Variants in OARD1 observed in about 807,000 individuals in gnomAD.
OARD1 encodes O-acyl-ADP-ribose deacylase 1, also known as ADP-ribose glycohydrolase OARD1.
OARD1 carries 19 observed loss-of-function variants against 19.7 expected under a neutral mutation model. The ratio of observed to expected loss-of-function variants is 0.96; its 90% confidence interval spans 0.67 to 1.41. The LOEUF is 1.41. Ranked by LOEUF, OARD1 falls within the 40% of genes most tolerant of loss-of-function variation. The pLI is 0.00. For synonymous variants in OARD1, 70 were observed against 61.8 expected (o/e 1.13, Z -0.62); for missense variants, 190 against 183.8 (o/e 1.03, Z -0.20).
chr6:41,075,167 G>A (rs1763699648), upstream of OARD1: 1 of 152,192 alleles, frequency 6.6e-6, no homozygotes, highest in Admixed American at 6.5e-5. Flanking sequence ...TAAAAAACAT[G>A]TATATTTGCC....
intron 1 of OARD1, among the ~76,000 whole-genome samples, chr6:41,088,980 T>C (rs1283301938): frequency 6.6e-6 from 1 of 151,548 alleles, no homozygotes; most frequent in Non-Finnish European, 1.5e-5. Context: ...CACTTTAGAG[T>C]GTATTTTATT....
upstream of OARD1, among the ~76,000 whole-genome samples, chr6:41,076,186 T>A (rs1763728662): frequency 6.6e-6 from 1 of 152,074 alleles, no homozygotes; most frequent in African/African-American, 2.4e-5. Flanking sequence ...AGTGGGAGAA[T>A]CCTTTGAGCT....
chr6:41,095,193 G>A (rs58730165), intron 1 of OARD1, among the ~76,000 whole-genome samples: 2 of 152,200 alleles, frequency 1.3e-5, no homozygotes, highest in Non-Finnish European at 2.9e-5. Context: ...TTTGCACTTA[G>A]ACTGACATCC....
At chr6:41,097,374 T>C (rs763983276) in intron 1 of OARD1, 262 of 1,613,920 alleles carry the variant, frequency 1.6e-4, no homozygotes, top group Non-Finnish European at 2.2e-4. Context: ...ACCAAGCCGA[T>C]GAAGAAGCAA....
chr6:41,089,128 C>T (rs1435632849), intron 1 of OARD1, among the ~76,000 whole-genome samples: 2 of 152,070 alleles, frequency 1.3e-5, no homozygotes, highest in African/African-American at 4.8e-5. Flanking sequence ...GGATTACAGG[C>T]ATGCACCACC....
At chr6:41,072,879 C>T (rs1300641503), upstream of OARD1, 2 of 153,252 alleles carry the variant, frequency 1.3e-5, no homozygotes, top group South Asian at 1.9e-4. Flanking sequence ...GTGGGGCGAT[C>T]CCTGAACTGG....
intron 1 of OARD1, chr6:41,071,952 T>C (rs906058081): frequency 3.9e-5 from 15 of 385,156 alleles, no homozygotes; most frequent in African/African-American, 2.8e-4. Context: ...CGCCTCCTCC[T>C]TTCTCCAGGG....
At chr6:41,088,326 G>A (rs1764101858) in intron 1 of OARD1, among the ~76,000 whole-genome samples, 1 of 150,074 alleles carries the variant, frequency 6.7e-6, no homozygotes, top group Non-Finnish European at 1.5e-5. Flanking sequence ...GGGAGGCTGA[G>A]GCAGGAGAAT....
Position 41,065,492 on chromosome 6 carries a change from C to T in OARD1, c.*1843G>A, listed in dbSNP as rs942506109. 1.5e-4 allele frequency: 23 copies of T among 152,236 alleles called. No individual in the cohort carries two copies. The highest frequency in any genetic ancestry group is 5.3e-4 in the African/African-American group (22 of 41,526). 9.4% of individuals were successfully genotyped at this position (152,236 alleles called of 1,614,324 possible). On this transcript the variant is annotated 3_prime_UTR_variant, in exon 6 of 6. Transcript: ENST00000424266. Reference sequence around the variant, plus strand: ...AAGTTTCTTTAAGTTTCTTATCCCCCACTCTCACTTTCAATTTTGTGTATT... The same window carrying T: ...AAGTTTCTTTAAGTTTCTTATCCCCTACTCTCACTTTCAATTTTGTGTATT...
At position 41,093,478 on chromosome 6, in the gene OARD1, T is replaced by A. The variant is rs115678926; in HGVS notation, c.-42+4235A>T. Among the ~76,000 whole-genome samples, 1,353 of 151,960 alleles carry A rather than the reference T, an allele frequency of 8.9e-3. 21 individuals carry two copies. Among genetic ancestry groups the A allele is most frequent in the African/African-American group, 0.031 (1,265 of 41,456 alleles). ...ACAAGAAAGGTACCCTTTCTTTTTT[T>A]TTTTTTTCCTGAGACTCAGTCTTGC... On this transcript the variant is annotated intron_variant, in intron 1 of 4. Coordinates refer to the OARD1 transcript ENST00000480585.
intron 1 of OARD1, among the ~76,000 whole-genome samples, chr6:41,087,159 T>C (rs1337157452): frequency 6.6e-6 from 1 of 152,194 alleles, no homozygotes; most frequent in African/African-American, 2.4e-5. Flanking sequence ...TAACAGCCAA[T>C]ATAAACTTAG....
intron 1 of OARD1, chr6:41,090,140 C>T (rs1764161535): frequency 9.1e-7 from 1 of 1,103,466 alleles, no homozygotes; most frequent in African/African-American, 1.6e-5. Context: ...TTTTTAAGGA[C>T]TACATCGTTC....
In OARD1 at chr6:41,071,200, C is replaced by A. The variant is rs777911574; in HGVS notation, c.116G>T (p.Arg39Leu). ...GAGGACAGCTATCCCAGCGCCCATG[C>A]GACAATCCTCACTGATACAGTGGGC... ...SLAHCISEDC[R>L]MGAGIAVLFK... The change falls in exon 3 of 6, where the codon CGC becomes CTC. Residue 39 changes from arginine to leucine, a missense_variant. By Grantham distance (102) the Arg-to-Leu change is moderately radical. Coordinates refer to ENST00000424266, the MANE Select transcript of OARD1 (RefSeq NM_001329686.2). The A allele has an allele frequency of 6.2e-7, 1 of 1,614,108 alleles. No individual in the cohort carries two copies. The highest frequency in any genetic ancestry group is 8.5e-7 in the Non-Finnish European group (1 of 1,179,936).
chr6:41,070,061 T>C lies in OARD1; in HGVS notation c.243+15A>G. 1 of 1,509,680 alleles carries C rather than the reference T, an allele frequency of 6.6e-7. No homozygotes were observed. The highest frequency in any genetic ancestry group is 9.2e-7 in the Non-Finnish European group (1 of 1,084,838). The allele number at this position is 1,509,680 out of a possible 1,614,324, so 93.5% of individuals were successfully genotyped here. ...GAACTGGCCCTGAAAAAAAAAGGAA[T>C]TGGCCCCATCTTACCAAGTAATATA... On this transcript the variant is annotated intron_variant, in intron 4 of 5. Transcript: ENST00000424266.
At position 41,067,121 on chromosome 6, in the gene OARD1, C is replaced by T. The variant is rs1581995242; in HGVS notation, c.*214G>A. 1.2e-5 allele frequency: 4 copies of T among 337,282 alleles called. No homozygotes were observed. In the South Asian group the frequency reaches 2.9e-4, roughly 25 times the overall value. 20.9% of individuals were successfully genotyped at this position (337,282 alleles called of 1,614,324 possible). A position where few individuals can be genotyped will look rare whatever the true frequency, so the allele number is the denominator to read the frequency against. ...TATTATCAAGCCACCTAACTCCTTA[C>T]TTTTCCACAAAAAAACACAACCACA... On this transcript the variant is annotated 3_prime_UTR_variant, in exon 6 of 6. Transcript: ENST00000424266.
chr6:41,081,519 T>C (rs1763904655), intron 1 of OARD1, among the ~76,000 whole-genome samples: 1 of 151,736 alleles, frequency 6.6e-6, no homozygotes, highest in Non-Finnish European at 1.5e-5. Flanking sequence ...TATTCAGGGC[T>C]CACACTCTGA....
intron 1 of OARD1, among the ~76,000 whole-genome samples, chr6:41,079,790 TTA>T (rs1233498404): frequency 1.3e-5 from 2 of 152,220 alleles, no homozygotes; most frequent in African/African-American, 4.8e-5. Context: ...AAAAAATGTA[TTA>T]TGTTTCTATT....
chr6:41,074,407 G>A (rs1008591229), upstream of OARD1, among the ~76,000 whole-genome samples: 2 of 152,244 alleles, frequency 1.3e-5, no homozygotes, highest in Non-Finnish European at 2.9e-5. Flanking sequence ...CAGGTGAACA[G>A]GTAGTTAATA....
upstream of OARD1, among the ~76,000 whole-genome samples, chr6:41,076,420 C>T (rs950272020): frequency 5.9e-5 from 9 of 152,162 alleles, no homozygotes; most frequent in African/African-American, 1.9e-4. Context: ...AGCTACTGTT[C>T]TAGGCTTTGC....
Sources: gnomAD v4.1 joint callset for allele counts (sites outside exome capture counted in the v4.1 genomes callset) on GRCh38, gnomAD v4.1.1 for gene constraint, MANE v1.5 for transcripts, NCBI Gene and HGNC (gene_info 2026-07-23, HGNC 2026-07-21) for gene names.